Variants in COL19A1 observed in about 807,000 individuals in gnomAD.
The protein encoded by COL19A1 is collagen type XIX alpha 1 chain.
In COL19A1, 159 loss-of-function variants were observed where a neutral mutation model predicts 190.2. The observed-to-expected ratio is 0.84, with a 90% confidence interval of 0.73 to 0.95. COL19A1 has a LOEUF of 0.95. Among genes scored for constraint, COL19A1 ranks in the 40% least tolerant of loss-of-function variants. The pLI is 0.00. For missense variants in COL19A1, 1,418 were observed against 1,431.9 expected, an observed-to-expected ratio of 0.99 and a Z score of 0.16; for synonymous variants, 509 against 458.9, an observed-to-expected ratio of 1.11 and a Z score of -1.39.
Position 70,149,846 on chromosome 6 carries a change from T to C in COL19A1, c.1930-5T>C, listed in dbSNP as rs1786930742. Reference sequence around the variant, plus strand: ...GTAACTGTTTTTATTTCCCTCCTTTTCCAGGGTCCTCGAGGTCTCCCTGGG... The same window carrying C: ...GTAACTGTTTTTATTTCCCTCCTTTCCCAGGGTCCTCGAGGTCTCCCTGGG... On this transcript the variant is annotated splice_polypyrimidine_tract_variant and splice_region_variant and intron_variant, in intron 28 of 50. Coordinates refer to ENST00000620364, the MANE Select transcript of COL19A1 (RefSeq NM_001858.6). 6.2e-7 allele frequency: 1 copy of C among 1,613,668 alleles called. No homozygotes were observed. Among genetic ancestry groups the C allele is most frequent in the East Asian group, 2.2e-5 (1 of 44,828 alleles).
intron 11 of COL19A1, among the ~76,000 whole-genome samples, chr6:69,971,431 G>A (rs530703758): frequency 2.0e-5 from 3 of 152,280 alleles, no homozygotes; most frequent in African/African-American, 7.2e-5. Flanking sequence ...AAGAGGCCAT[G>A]CAGAAAAACC....
intron 4 of COL19A1, among the ~76,000 whole-genome samples, chr6:69,927,338 G>T (rs1019230831): frequency 6.6e-6 from 1 of 152,058 alleles, no homozygotes; most frequent in African/African-American, 2.4e-5. Flanking sequence ...AAAATATAAA[G>T]ATGTGATTTA....
rs774382635 is a variant in COL19A1, at chr6:70,184,661, T to C, written c.2776-42T>C. 3.4e-6 allele frequency: 5 copies of C among 1,472,820 alleles called. No homozygotes were observed. The African/African-American group carries it at 4.2e-5, about 12-fold the overall frequency. The allele number at this position is 1,472,820 out of a possible 1,614,324, so 91.2% of individuals were successfully genotyped here. The stretch of plus-strand genomic sequence containing the variant: ...TATGCTTTTGTTGTGTTTAACTATG[T>C]TAATGCAGAGTTAGAAATATTAATC... On this transcript the variant is annotated intron_variant, in intron 44 of 50. Transcript: ENST00000620364.
chr6:70,031,224 C>T (rs76436579), intron 12 of COL19A1, among the ~76,000 whole-genome samples: 16 of 151,882 alleles, frequency 1.1e-4, no homozygotes, highest in East Asian at 7.7e-4. Flanking sequence ...CAGATCATTG[C>T]GTGGCTGGAT....
At position 70,120,492 on chromosome 6, in the gene COL19A1, C is replaced by A. The variant is rs112443255; in HGVS notation, c.1279-1388C>A. Among the ~76,000 whole-genome samples the A allele has an allele frequency of 4.6e-3, 697 of 152,260 alleles. 9 individuals are homozygous for A. Among genetic ancestry groups the A allele is most frequent in the African/African-American group, 0.016 (657 of 41,548 alleles). On this transcript the variant is annotated intron_variant, in intron 16 of 50. Transcript: ENST00000620364. ...TAGATACTTTGTGTAACAACCCCCC[C>A]ACTCAATGATTGCTTTCTTTCTTTA...
chr6:70,044,448 TTGGTGTA>T (rs1017075149), intron 14 of COL19A1, among the ~76,000 whole-genome samples: 9 of 152,224 alleles, frequency 5.9e-5, no homozygotes, highest in Non-Finnish European at 1.0e-4. Flanking sequence ...GACCTAGCTT[TTGGTGTA>T]TCTCAGCTTT....
chr6:70,104,091 T>C (rs1222573822), intron 16 of COL19A1, among the ~76,000 whole-genome samples: 1 of 152,188 alleles, frequency 6.6e-6, no homozygotes, highest in African/African-American at 2.4e-5. Flanking sequence ...CATTTCACTT[T>C]AGCCATTCTA....
At chr6:70,036,049 G>A (rs931197796) in intron 14 of COL19A1, 110 bp downstream of exon 14, 1 of 987,188 alleles carries the variant, frequency 1.0e-6, no homozygotes, top group Non-Finnish European at 1.6e-6. Context: ...AGAATTGAAG[G>A]TGACTTCGAG....
intron 14 of COL19A1, among the ~76,000 whole-genome samples, chr6:70,055,236 A>G (rs550499974): frequency 6.6e-6 from 1 of 152,314 alleles, no homozygotes; most frequent in East Asian, 1.9e-4. Context: ...ATGTTAGCAA[A>G]TGTTGAGAAA....
intron 15 of COL19A1, among the ~76,000 whole-genome samples, chr6:70,097,658 C>T (rs1783368349): frequency 6.6e-6 from 1 of 152,122 alleles, no homozygotes; most frequent in South Asian, 2.1e-4. Context: ...TAATAATCTC[C>T]ACACTGTTGC....
intron 4 of COL19A1, among the ~76,000 whole-genome samples, chr6:69,915,764 T>C (rs1771254788): frequency 6.6e-6 from 1 of 152,182 alleles, no homozygotes; most frequent in Admixed American, 6.5e-5. Flanking sequence ...TCTACTGTTG[T>C]TCTTCCCAAA....
chr6:70,193,621 T>C (rs1256506997), intron 48 of COL19A1, among the ~76,000 whole-genome samples: 1 of 152,216 alleles, frequency 6.6e-6, no homozygotes, highest in Non-Finnish European at 1.5e-5. Flanking sequence ...GACAATATTT[T>C]AAAGCGACCC....
chr6:70,046,377 TA>T (rs1416299203), intron 14 of COL19A1, among the ~76,000 whole-genome samples: 1 of 152,196 alleles, frequency 6.6e-6, no homozygotes. Context: ...GGTAATTAAA[TA>T]AAACCCAAAT....
At chr6:69,910,790 A>G (rs1232678026) in intron 4 of COL19A1, among the ~76,000 whole-genome samples, 3 of 152,152 alleles carry the variant, frequency 2.0e-5, no homozygotes, top group African/African-American at 7.2e-5. Context: ...TGCAGTGTAC[A>G]CTGCAGATTT....
intron 11 of COL19A1, among the ~76,000 whole-genome samples, chr6:70,005,683 G>C (rs1284161836): frequency 1.3e-5 from 2 of 152,178 alleles, no homozygotes; most frequent in Non-Finnish European, 2.9e-5. Flanking sequence ...TTGTCCCTTG[G>C]TGGAGGGGGT....
chr6:70,090,745 G>A (rs1035117976), intron 15 of COL19A1, among the ~76,000 whole-genome samples: 1 of 152,078 alleles, frequency 6.6e-6, no homozygotes, highest in Non-Finnish European at 1.5e-5. Flanking sequence ...ACCTTTTTAA[G>A]ACGAAACTCC....
intron 2 of COL19A1, among the ~76,000 whole-genome samples, chr6:69,885,430 G>A (rs1172003881): frequency 6.6e-6 from 1 of 152,176 alleles, no homozygotes; most frequent in African/African-American, 2.4e-5. Context: ...AATGACTACT[G>A]TAGTGAACAG....
rs1311830627 is a variant in COL19A1 at position 70,156,120 on chromosome 6, T to C, written c.2080-7T>C. On this transcript the variant is annotated splice_polypyrimidine_tract_variant and splice_region_variant and intron_variant, in intron 31 of 50. Coordinates refer to ENST00000620364, the MANE Select transcript of COL19A1 (RefSeq NM_001858.6). ...TCCCTCAGTAACCTTATCTTTATAC[T>C]CATTAGAATTTCTGTGGCAACTGCC... 38 of 1,611,764 alleles carry C rather than the reference T, an allele frequency of 2.4e-5. No individual in the cohort carries two copies. Among genetic ancestry groups the C allele is most frequent in the Non-Finnish European group, 3.2e-5 (38 of 1,178,800 alleles).
chr6:69,988,264 T>C (rs1025699036), intron 11 of COL19A1, among the ~76,000 whole-genome samples: 2 of 152,202 alleles, frequency 1.3e-5, no homozygotes, highest in East Asian at 3.9e-4. Context: ...ACTCCTCATA[T>C]TCACTAGATT....
Sources: allele counts gnomAD v4.1 joint callset (sites outside exome capture counted in the v4.1 genomes callset), GRCh38; gene constraint gnomAD v4.1.1; transcripts MANE v1.5; gene names NCBI Gene and HGNC (gene_info 2026-07-23, HGNC 2026-07-21).